NLK: variants seen among roughly 807,000 people sequenced by gnomAD.
NLK encodes serine/threonine-protein kinase NLK.
Under a neutral mutation model 59.0 loss-of-function variants are expected in NLK, and 11 were observed. The observed-to-expected ratio is 0.19, with a 90% CI of 0.12 to 0.31. The LOEUF is 0.31. Among genes scored for constraint, NLK ranks in the 10% least tolerant of loss-of-function variants. The pLI is 1.00. For synonymous variants in NLK, 235 were observed against 235.9 expected (o/e 1.00, Z 0.03); for missense variants, 410 against 661.1 (o/e 0.62, Z 4.16).
rs374925617 is a variant in NLK at position 28,109,095 on chromosome 17, T to C, written c.459-13508T>C. Among the ~76,000 whole-genome samples, 998 of 151,426 alleles carry C rather than the reference T, an allele frequency of 6.6e-3. 17 individuals are homozygous for C. The highest frequency in any genetic ancestry group is 0.023 in the African/African-American group (929 of 41,156). On this transcript the variant is annotated intron_variant, in intron 1 of 10. Transcript: ENST00000407008. ...CTGAGGCAGGAGAATGGCATGAACC[T>C]GGGAGGCGGAGCTTGCAGTGAGCCA... is the stretch of plus-strand genomic sequence containing the variant.
intron 2 of NLK, among the ~76,000 whole-genome samples, chr17:28,128,917 C>T (rs969495499): frequency 6.6e-6 from 1 of 152,170 alleles, no homozygotes; most frequent in Non-Finnish European, 1.5e-5. Flanking sequence ...GCCAACAGCA[C>T]TCTGAATAAG....
intron 1 of NLK, among the ~76,000 whole-genome samples, chr17:28,084,990 A>G (rs377192854): frequency 6.6e-6 from 1 of 152,260 alleles, no homozygotes; most frequent in East Asian, 1.9e-4. Context: ...AATCAGCTGT[A>G]CAGTGTAGTC....
At chr17:28,140,274 C>G (rs1906932248) in intron 3 of NLK, among the ~76,000 whole-genome samples, 1 of 151,992 alleles carries the variant, frequency 6.6e-6, no homozygotes, top group Admixed American at 6.6e-5. Flanking sequence ...TGAAGAATAA[C>G]AGAATCAGAA....
At chr17:28,100,762 T>C (rs1030581036) in intron 1 of NLK, among the ~76,000 whole-genome samples, 6 of 152,212 alleles carry the variant, frequency 3.9e-5, no homozygotes, top group African/African-American at 1.2e-4. Context: ...ATCTTTGTGT[T>C]CTAGAAATCT....
At chr17:28,192,259 A>G (rs1361725807) in intron 10 of NLK, 46 bp downstream of exon 10, 3 of 995,782 alleles carry the variant, frequency 3.0e-6, no homozygotes, top group Non-Finnish European at 4.7e-6. Flanking sequence ...AATTAAAAGG[A>G]TGCCAGTGTT....
At position 28,143,285 on chromosome 17, in the gene NLK, G is replaced by A. The variant is rs546230257; in HGVS notation, c.644+10610G>A. On this transcript the variant is annotated intron_variant, in intron 3 of 10. Transcript: ENST00000407008. ...TCTCGCTCTCCTGACCTCATGATCCGCCCGCCTCGGCCTCCCAAAGTGCTG... is the reference window on the plus strand; with the variant it reads ...TCTCGCTCTCCTGACCTCATGATCCACCCGCCTCGGCCTCCCAAAGTGCTG... 9.2e-5 allele frequency among the ~76,000 whole-genome samples: 14 copies of A among 151,970 alleles called. No homozygotes were observed. The South Asian group carries it at 1.5e-3, about 16-fold the overall frequency.
At chr17:28,205,326 T>A in the NLK span, among the ~76,000 whole-genome samples, 5 of 152,344 alleles carry the variant, frequency 3.3e-5, no homozygotes, top group East Asian at 9.6e-4. Context: ...CTGAGAGATA[T>A]CCATGGGGAT....
downstream of NLK, among the ~76,000 whole-genome samples, chr17:28,199,477 C>A (rs1441156168): frequency 6.6e-6 from 1 of 151,818 alleles, no homozygotes; most frequent in Non-Finnish European, 1.5e-5. Context: ...ACCACCCTGG[C>A]CAAAATGGTG....
chr17:28,180,341 C>G (rs1455510384), intron 7 of NLK, among the ~76,000 whole-genome samples: 1 of 152,136 alleles, frequency 6.6e-6, no homozygotes, highest in Non-Finnish European at 1.5e-5. Flanking sequence ...TTAATTTGTT[C>G]TCTGTCCTCA....
chr17:28,090,005 A>AGAG (rs1904429692), intron 1 of NLK, among the ~76,000 whole-genome samples: 1 of 152,174 alleles, frequency 6.6e-6, no homozygotes, highest in African/African-American at 2.4e-5. Context: ...TGTCTTTGTA[A>AGAG]CAGTGTCTTT....
At chr17:28,115,259 C>T (rs1905713587) in intron 1 of NLK, among the ~76,000 whole-genome samples, 1 of 152,254 alleles carries the variant, frequency 6.6e-6, no homozygotes, top group South Asian at 2.1e-4. Context: ...CTTGCAGTCT[C>T]TCTCTACAAC....
chr17:28,103,094 G>A (rs951070400), intron 1 of NLK, among the ~76,000 whole-genome samples: 1 of 152,024 alleles, frequency 6.6e-6, no homozygotes, highest in Non-Finnish European at 1.5e-5. Flanking sequence ...GGAGAAAAAT[G>A]GCAAAATAAA....
At chr17:28,099,671 C>G in intron 1 of NLK, among the ~76,000 whole-genome samples, 1 of 149,726 alleles carries the variant, frequency 6.7e-6, no homozygotes, top group Non-Finnish European at 1.5e-5. Flanking sequence ...CTCCGCTTCC[C>G]GGGTTCACGC....
chr17:28,176,074 G>A (rs1333626308), intron 7 of NLK, among the ~76,000 whole-genome samples: 1 of 152,102 alleles, frequency 6.6e-6, no homozygotes, highest in East Asian at 1.9e-4. Flanking sequence ...ACAGTGAACT[G>A]TATAACACTT....
chr17:28,070,463 C>T (rs1909971382), intron 1 of NLK, among the ~76,000 whole-genome samples: 1 of 149,850 alleles, frequency 6.7e-6, no homozygotes, highest in Non-Finnish European at 1.5e-5. Context: ...CAAGGATTCT[C>T]CTACCTCAGC....
intron 1 of NLK, among the ~76,000 whole-genome samples, chr17:28,055,228 G>A (rs1909401138): frequency 6.6e-6 from 1 of 151,672 alleles, no homozygotes; most frequent in African/African-American, 2.4e-5. Context: ...GAGTAGCTGG[G>A]ACTACACGCA....
At chr17:28,071,758 G>A (rs1910014399) in intron 1 of NLK, among the ~76,000 whole-genome samples, 1 of 152,124 alleles carries the variant, frequency 6.6e-6, no homozygotes, top group Non-Finnish European at 1.5e-5. Flanking sequence ...AGAAAGAATT[G>A]GCAGAACAGG....
At chr17:28,175,264 T>C (rs1908631576) in intron 7 of NLK, among the ~76,000 whole-genome samples, 1 of 150,480 alleles carries the variant, frequency 6.6e-6, no homozygotes, top group South Asian at 2.1e-4. Context: ...GCTAACATGG[T>C]GAAACCCCGT....
intron 2 of NLK, among the ~76,000 whole-genome samples, chr17:28,128,652 A>G (rs551098078): frequency 3.9e-5 from 6 of 152,320 alleles, no homozygotes; most frequent in Admixed American, 3.9e-4. Context: ...AAAGACTGAC[A>G]ATACCAACTG....
Sources: allele counts gnomAD v4.1 joint callset (sites outside exome capture counted in the v4.1 genomes callset), GRCh38; gene constraint gnomAD v4.1.1; transcripts MANE v1.5; gene names NCBI Gene and HGNC (gene_info 2026-07-23, HGNC 2026-07-21).